FREM1: variants seen among roughly 807,000 people sequenced by gnomAD.
The protein encoded by FREM1 is FRAS1-related extracellular matrix protein 1.
Under a neutral mutation model 210.1 loss-of-function variants are expected in FREM1, and 220 were observed. The observed-to-expected ratio is 1.05, with a 90% CI of 0.94 to 1.17. The LOEUF (loss-of-function observed/expected upper bound fraction) is 1.17. FREM1 is among the 50% of genes most tolerant of loss of function. The pLI, the probability that FREM1 is intolerant of heterozygous loss-of-function variation, is 0.00. For missense variants in FREM1, 3,454 were observed against 2,675.5 expected (o/e 1.29, Z -6.42); for synonymous variants, 1,189 against 980.2 (o/e 1.21, Z -3.98).
At chr9:14,774,967 C>T (rs1000658696) in intron 25 of FREM1, among the ~76,000 whole-genome samples, 2 of 152,160 alleles carry the variant, frequency 1.3e-5, no homozygotes, top group African/African-American at 4.8e-5. Context: ...TGGAGTGGGT[C>T]TAGCTTGCAG....
chr9:14,747,171 C>A (rs1463237926), intron 33 of FREM1, 93 bp downstream of exon 33: 5 of 1,576,144 alleles, frequency 3.2e-6, no homozygotes, highest in East Asian at 2.2e-5. Flanking sequence ...ACTATCCCCC[C>A]AACCTTGGAG....
At chr9:14,737,832 G>A (rs1326964074) in intron 36 of FREM1, among the ~76,000 whole-genome samples, 1 of 152,110 alleles carries the variant, frequency 6.6e-6, no homozygotes, top group Non-Finnish European at 1.5e-5. Context: ...TAACCTCTCT[G>A]AGTTTCAGTT....
chr9:14,832,995 T>C (rs1823856502), intron 10 of FREM1, among the ~76,000 whole-genome samples: 1 of 152,174 alleles, frequency 6.6e-6, no homozygotes, highest in East Asian at 1.9e-4. Context: ...AACTTGGCTA[T>C]GGGCCTCCAA....
chr9:14,769,273 A>G (rs1847074972), intron 27 of FREM1, among the ~76,000 whole-genome samples: 1 of 152,200 alleles, frequency 6.6e-6, no homozygotes, highest in Admixed American at 6.5e-5. Flanking sequence ...AATTTTCTTC[A>G]TAAGAGAAAG....
chr9:14,886,325 G>A (rs992535058), intron 1 of FREM1, among the ~76,000 whole-genome samples: 21 of 129,176 alleles, frequency 1.6e-4, no homozygotes, highest in Admixed American at 2.9e-4. Flanking sequence ...GGCGGAGGTT[G>A]CAGTAAGCCG....
chr9:14,777,089 G>T (rs1251415431), intron 24 of FREM1, among the ~76,000 whole-genome samples: 1 of 152,196 alleles, frequency 6.6e-6, no homozygotes, highest in Admixed American at 6.5e-5. Context: ...TTCTGGTTTA[G>T]CAATCCACCA....
chr9:14,788,863 T>C, intron 23 of FREM1, 56 bp downstream of exon 23: 2 of 1,330,352 alleles, frequency 1.5e-6, no homozygotes, highest in Non-Finnish European at 2.1e-6. Flanking sequence ...GAATGTGGAA[T>C]ACTTATACCA....
At chr9:14,894,440 C>G (rs144181931) in intron 1 of FREM1, among the ~76,000 whole-genome samples, 1 of 152,170 alleles carries the variant, frequency 6.6e-6, no homozygotes, top group African/African-American at 2.4e-5. Context: ...AGCTATAGGA[C>G]TTTGACAGGT....
intron 4 of FREM1, among the ~76,000 whole-genome samples, chr9:14,858,617 A>G (rs1829240330): frequency 6.6e-6 from 1 of 151,758 alleles, no homozygotes; most frequent in Non-Finnish European, 1.5e-5. Flanking sequence ...TGCTATGATT[A>G]TCCCTTATAT....
chr9:14,897,227 C>A (rs545920582), intron 1 of FREM1, among the ~76,000 whole-genome samples: 2 of 152,304 alleles, frequency 1.3e-5, no homozygotes, highest in East Asian at 3.9e-4. Context: ...ACCTTCACTA[C>A]AATGTATGAA....
At position 14,741,290 on chromosome 9, in the gene FREM1, G is replaced by C. The variant is rs564333149; in HGVS notation, c.6255-1056C>G. Among the ~76,000 whole-genome samples, 69 of 152,214 alleles carry C rather than the reference G, an allele frequency of 4.5e-4. 1 individual carries two copies. Among genetic ancestry groups the C allele is most frequent in the African/African-American group, 1.6e-3 (68 of 41,530 alleles). On this transcript the variant is annotated intron_variant, in intron 35 of 36. Coordinates refer to ENST00000380880, the MANE Select transcript of FREM1 (RefSeq NM_001379081.2). ...TTTGCCTATGTCTTTTCAAAATTCA[G>C]ATCTATTTCTCTGCTTTTCCAGACT... is the stretch of plus-strand genomic sequence containing the variant.
intron 28 of FREM1, among the ~76,000 whole-genome samples, chr9:14,757,611 AC>A (rs1844654514): frequency 6.6e-6 from 1 of 152,170 alleles, no homozygotes; most frequent in Non-Finnish European, 1.5e-5. Flanking sequence ...TCAAATGAGA[AC>A]CGTGTGCAAG....
intron 16 of FREM1, among the ~76,000 whole-genome samples, chr9:14,810,061 G>A (rs1278363026): frequency 2.0e-5 from 3 of 152,142 alleles, no homozygotes; most frequent in Admixed American, 1.3e-4. Context: ...CAGGGCATAC[G>A]TGCCAAGGAA....
intron 1 of FREM1, among the ~76,000 whole-genome samples, chr9:14,878,354 A>C (rs1468847775): frequency 1.3e-5 from 2 of 151,108 alleles, no homozygotes; most frequent in Non-Finnish European, 2.9e-5. Flanking sequence ...AAAGCCTCTC[A>C]CTTCTGTTGT....
At chr9:14,774,196 G>C (rs1041716744) in intron 25 of FREM1, 1 of 512,688 alleles carries the variant, frequency 2.0e-6, no homozygotes, top group Non-Finnish European at 3.9e-6. Flanking sequence ...TCATAGATAA[G>C]AGTCTGTGAG....
At chr9:14,826,541 C>A (rs1262375878) in intron 10 of FREM1, among the ~76,000 whole-genome samples, 2 of 152,210 alleles carry the variant, frequency 1.3e-5, no homozygotes, top group Non-Finnish European at 2.9e-5. Context: ...CTTAACGGCT[C>A]TTCTTAGACC....
At chr9:14,796,196 C>A (rs1265493817) in intron 21 of FREM1, among the ~76,000 whole-genome samples, 1 of 152,142 alleles carries the variant, frequency 6.6e-6, no homozygotes, top group Non-Finnish European at 1.5e-5. Context: ...TGAGGCCCTC[C>A]TTTCTGCAGA....
chr9:14,777,032 G>A (rs780512021), intron 24 of FREM1, among the ~76,000 whole-genome samples: 1 of 152,190 alleles, frequency 6.6e-6, no homozygotes, highest in Non-Finnish European at 1.5e-5. Context: ...CTAGAATGCA[G>A]GTCTTTTAAT....
chr9:14,870,826 C>A (rs923095122), intron 1 of FREM1, among the ~76,000 whole-genome samples: 2 of 136,454 alleles, frequency 1.5e-5, no homozygotes, highest in Admixed American at 1.6e-4. Flanking sequence ...CACAACAGTC[C>A]CCAGAGTGTG....
Sources: gnomAD v4.1 joint callset for allele counts (sites outside exome capture counted in the v4.1 genomes callset) on GRCh38, gnomAD v4.1.1 for gene constraint, MANE v1.5 for transcripts, NCBI Gene and HGNC (gene_info 2026-07-23, HGNC 2026-07-21) for gene names.